The following PRELID2 variants were observed in gnomAD, a reference collection of about 807,000 sequenced individuals.
The protein encoded by PRELID2 is PRELI domain-containing protein 2.
Under a neutral mutation model 28.4 loss-of-function variants are expected in PRELID2, and 25 were observed. That is an observed-to-expected ratio of 0.88 (90% CI 0.64 to 1.23). The LOEUF (loss-of-function observed/expected upper bound fraction) is 1.23. Ranked by LOEUF, PRELID2 falls within the 50% of genes most tolerant of loss-of-function variation. The pLI is 0.00. For missense variants in PRELID2, 201 were observed against 214.4 expected (o/e 0.94, Z 0.39); for synonymous variants, 76 against 71.6 (o/e 1.06, Z -0.31).
At chr5:145,485,221 G>C (rs1752205893) in intron 1 of PRELID2, among the ~76,000 whole-genome samples, 1 of 152,206 alleles carries the variant, frequency 6.6e-6, no homozygotes, top group Non-Finnish European at 1.5e-5. Flanking sequence ...GTGACACTGA[G>C]AAGAGATTGA....
intron 1 of PRELID2, among the ~76,000 whole-genome samples, chr5:145,567,988 C>T (rs1462608254): frequency 6.6e-6 from 1 of 152,096 alleles, no homozygotes; most frequent in Admixed American, 6.5e-5. Context: ...ACAGACTTGC[C>T]CAATCATAGC....
At chr5:145,510,539 T>C (rs893957187) in intron 1 of PRELID2, among the ~76,000 whole-genome samples, 1 of 152,220 alleles carries the variant, frequency 6.6e-6, no homozygotes, top group Non-Finnish European at 1.5e-5. Flanking sequence ...GCTTGATTGA[T>C]TTCCAGTACA....
chr5:145,554,653 T>C (rs57158118), intron 1 of PRELID2, among the ~76,000 whole-genome samples: 1,722 of 152,328 alleles, frequency 0.011, 42 homozygotes, highest in African/African-American at 0.04. Flanking sequence ...TAGGGCTGTG[T>C]TGTTGGCTGG....
intron 1 of PRELID2, among the ~76,000 whole-genome samples, chr5:145,476,898 A>G (rs375032372): frequency 7.9e-5 from 12 of 152,342 alleles, no homozygotes; most frequent in East Asian, 1.9e-4. Flanking sequence ...CTGATAAATC[A>G]TATATTTGTA....
At chr5:145,717,543 T>C (rs896688423) in intron 1 of PRELID2, among the ~76,000 whole-genome samples, 1 of 151,958 alleles carries the variant, frequency 6.6e-6, no homozygotes, top group South Asian at 2.1e-4. Flanking sequence ...TTGGTAGTGG[T>C]AGAAGAAAGA....
chr5:145,713,369 T>TATATATATATATATATATAC (rs1334656798), intron 1 of PRELID2, among the ~76,000 whole-genome samples: 19 of 144,640 alleles, frequency 1.3e-4, no homozygotes, highest in African/African-American at 4.6e-4. Context: ...TATATATATA[T>TATATATATATATATATATAC]ACTTTACATT....
the PRELID2 span, among the ~76,000 whole-genome samples, chr5:145,399,275 T>A: frequency 4.6e-5 from 7 of 151,944 alleles, no homozygotes; most frequent in African/African-American, 1.7e-4. Flanking sequence ...TACATGGGGG[T>A]TGGAAATCCA....
the PRELID2 span, among the ~76,000 whole-genome samples, chr5:145,434,511 C>T: frequency 3.9e-5 from 6 of 152,174 alleles, no homozygotes; most frequent in Non-Finnish European, 7.4e-5. Flanking sequence ...CATTGCCAGG[C>T]TCATATTGAA....
chr5:145,780,961 GA>G (rs1185150598), intron 5 of PRELID2, among the ~76,000 whole-genome samples: 1 of 152,086 alleles, frequency 6.6e-6, no homozygotes, highest in Non-Finnish European at 1.5e-5. Context: ...ACAGCAAATG[GA>G]ATTCAAAAAA....
At chr5:145,469,949 C>A (rs1373151996), downstream of PRELID2, among the ~76,000 whole-genome samples, 1 of 152,044 alleles carries the variant, frequency 6.6e-6, no homozygotes, top group Non-Finnish European at 1.5e-5. Flanking sequence ...ATCTATCCTA[C>A]AGATATATTC....
the PRELID2 span, among the ~76,000 whole-genome samples, chr5:145,263,156 C>T: frequency 6.6e-6 from 1 of 152,108 alleles, no homozygotes; most frequent in South Asian, 2.1e-4. Context: ...AATATACATA[C>T]ATCTAACACT....
At chr5:145,811,102 A>C (rs1753898777) in intron 4 of PRELID2, among the ~76,000 whole-genome samples, 3 of 146,488 alleles carry the variant, frequency 2.0e-5, no homozygotes, top group African/African-American at 7.9e-5. Context: ...AAAAAAAAAA[A>C]AAAAAAAAAA....
chr5:145,816,076 C>CTTTTTTTTTTT (rs1191298938), intron 4 of PRELID2, among the ~76,000 whole-genome samples: 2 of 89,042 alleles, frequency 2.2e-5, no homozygotes, highest in Non-Finnish European at 2.2e-5. Context: ...TATTGTGTGT[C>CTTTTTTTTTTT]TTTTTTTTTT....
chr5:145,343,742 GAT>G, the PRELID2 span, among the ~76,000 whole-genome samples: 1 of 151,416 alleles, frequency 6.6e-6, no homozygotes, highest in Non-Finnish European at 1.5e-5. Context: ...GATTTGAAAA[GAT>G]AAACAAAATC....
chr5:145,736,730 A>G (rs923836693), intron 1 of PRELID2, among the ~76,000 whole-genome samples: 1 of 152,336 alleles, frequency 6.6e-6, no homozygotes, highest in South Asian at 2.1e-4. Flanking sequence ...GTAAATGATC[A>G]ATAAATAGAT....
chr5:145,699,672 T>C (rs1047233654), intron 1 of PRELID2, among the ~76,000 whole-genome samples: 8 of 152,178 alleles, frequency 5.3e-5, no homozygotes, highest in Admixed American at 5.2e-4. Flanking sequence ...ATGATTTTGC[T>C]TTAAGATTTC....
intron 1 of PRELID2, among the ~76,000 whole-genome samples, chr5:145,634,786 A>C (rs142269899): frequency 1.3e-5 from 2 of 152,352 alleles, no homozygotes; most frequent in East Asian, 3.9e-4. Context: ...GAATTCAGGC[A>C]CTAAATAAAT....
chr5:145,727,133 T>C (rs1019440523), intron 1 of PRELID2, among the ~76,000 whole-genome samples: 4 of 152,192 alleles, frequency 2.6e-5, no homozygotes, highest in Non-Finnish European at 4.4e-5. Flanking sequence ...AGCACTGCGT[T>C]AAGCACCTGA....
the PRELID2 span, among the ~76,000 whole-genome samples, chr5:145,266,098 A>G: frequency 1.3e-5 from 2 of 152,128 alleles, no homozygotes; most frequent in South Asian, 4.1e-4. Context: ...AATCTACAAG[A>G]AACCCAAACA....
Sources: allele counts gnomAD v4.1 joint callset (sites outside exome capture counted in the v4.1 genomes callset), GRCh38; gene constraint gnomAD v4.1.1; transcripts MANE v1.5; gene names NCBI Gene and HGNC (gene_info 2026-07-23, HGNC 2026-07-21).